The following CTNND2 variants were observed in gnomAD, a reference collection of about 807,000 sequenced individuals.
The protein encoded by CTNND2 is catenin delta 2.
A neutral mutation model predicts 144.4 loss-of-function variants in CTNND2; 22 were observed. The observed-to-expected ratio is 0.15, with a 90% confidence interval of 0.11 to 0.22. CTNND2 has a LOEUF of 0.22. Ranked by LOEUF, CTNND2 falls within the 10% of genes least tolerant of loss-of-function variation. The pLI, the probability that CTNND2 is intolerant of heterozygous loss-of-function variation, is 1.00. For synonymous variants in CTNND2, 751 were observed against 695.6 expected, an observed-to-expected ratio of 1.08 and a Z score of -1.25; for missense variants, 1,353 against 1,618.8, an observed-to-expected ratio of 0.84 and a Z score of 2.82.
chr5:11,378,392 C>T (rs545049875), intron 7 of CTNND2, among the ~76,000 whole-genome samples: 39 of 152,248 alleles, frequency 2.6e-4, no homozygotes, highest in African/African-American at 8.4e-4. Flanking sequence ...AGGTCTAGTT[C>T]GAAAGAACCC....
chr5:11,487,721 AG>A (rs1286919802), intron 3 of CTNND2, among the ~76,000 whole-genome samples: 2 of 152,178 alleles, frequency 1.3e-5, no homozygotes, highest in Non-Finnish European at 2.9e-5. Context: ...TATGCTTTTG[AG>A]GTTATTTTTA....
intron 9 of CTNND2, among the ~76,000 whole-genome samples, chr5:11,270,886 G>C (rs1349023959): frequency 6.6e-6 from 1 of 152,124 alleles, no homozygotes; most frequent in African/African-American, 2.4e-5. Flanking sequence ...AAACATGAAA[G>C]TATTTATTGA....
chr5:11,276,510 C>T (rs990838177), intron 9 of CTNND2, among the ~76,000 whole-genome samples: 19 of 152,160 alleles, frequency 1.2e-4, no homozygotes, highest in African/African-American at 4.6e-4. Context: ...TGGTCCTCTT[C>T]TCTTCTTTAC....
At chr5:11,479,672 A>G (rs1768064770) in intron 3 of CTNND2, among the ~76,000 whole-genome samples, 1 of 151,552 alleles carries the variant, frequency 6.6e-6, no homozygotes, top group Non-Finnish European at 1.5e-5. Context: ...CTATTTTTTG[A>G]TTTCTTAATC....
At chr5:11,892,241 T>C (rs1737030063) in intron 1 of CTNND2, among the ~76,000 whole-genome samples, 1 of 152,236 alleles carries the variant, frequency 6.6e-6, no homozygotes, top group Admixed American at 6.5e-5. Context: ...TGCCAATGAT[T>C]TCATGCAAAG....
At chr5:11,777,615 G>T (rs1179860036) in intron 1 of CTNND2, among the ~76,000 whole-genome samples, 2 of 152,110 alleles carry the variant, frequency 1.3e-5, no homozygotes, top group Non-Finnish European at 2.9e-5. Context: ...GGAAATGGGG[G>T]GGCTTCTCTA....
chr5:11,726,082 G>A (rs903079843), intron 2 of CTNND2, among the ~76,000 whole-genome samples: 1 of 152,082 alleles, frequency 6.6e-6, no homozygotes. Flanking sequence ...GAATTTTTAA[G>A]AGTCTTGAAT....
At chr5:11,163,626 A>G (rs1759011545) in intron 11 of CTNND2, among the ~76,000 whole-genome samples, 1 of 151,948 alleles carries the variant, frequency 6.6e-6, no homozygotes, top group Non-Finnish European at 1.5e-5. Flanking sequence ...TCTACAATGG[A>G]TGGACTCATT....
chr5:11,053,748 CTCTT>C (rs1306257520), intron 16 of CTNND2, among the ~76,000 whole-genome samples: 1 of 152,214 alleles, frequency 6.6e-6, no homozygotes, highest in African/African-American at 2.4e-5. Context: ...AACTGGCTCT[CTCTT>C]TTTATCAAAC....
intron 12 of CTNND2, among the ~76,000 whole-genome samples, chr5:11,124,648 T>A (rs1754490954): frequency 1.3e-5 from 2 of 152,134 alleles, no homozygotes; most frequent in African/African-American, 4.8e-5. Context: ...TTTTAAAAAA[T>A]GTAAAACCTG....
chr5:11,426,257 C>T (rs1213627541), intron 3 of CTNND2, among the ~76,000 whole-genome samples: 2 of 152,194 alleles, frequency 1.3e-5, no homozygotes, highest in African/African-American at 4.8e-5. Context: ...TCACAGCTTC[C>T]TTACTGCTCA....
intron 15 of CTNND2, among the ~76,000 whole-genome samples, chr5:11,089,546 C>T (rs1383411913): frequency 1.3e-5 from 2 of 152,174 alleles, no homozygotes; most frequent in Non-Finnish European, 2.9e-5. Context: ...AGATTTTAAA[C>T]TGTTTAATTG....
At chr5:11,477,976 T>C (rs1767915884) in intron 3 of CTNND2, among the ~76,000 whole-genome samples, 1 of 152,190 alleles carries the variant, frequency 6.6e-6, no homozygotes, top group Admixed American at 6.5e-5. Flanking sequence ...TTGTTGGAAG[T>C]CATCCAGCTT....
At chr5:11,269,146 A>C (rs1745749936) in intron 9 of CTNND2, among the ~76,000 whole-genome samples, 1 of 152,190 alleles carries the variant, frequency 6.6e-6, no homozygotes. Context: ...CCCGGGATTT[A>C]GTTTGCTCAG....
intron 1 of CTNND2, among the ~76,000 whole-genome samples, chr5:11,779,640 A>G (rs779248952): frequency 6.6e-6 from 1 of 152,198 alleles, no homozygotes; most frequent in South Asian, 2.1e-4. Flanking sequence ...CACTTCAAAT[A>G]TCTACCTTGG....
intron 16 of CTNND2, among the ~76,000 whole-genome samples, chr5:11,046,862 A>C (rs1430521553): frequency 2.0e-5 from 3 of 152,216 alleles, no homozygotes; most frequent in African/African-American, 7.2e-5. Context: ...ACAACAACAA[A>C]AAAACAGGCT....
chr5:11,687,967 G>T (rs908031157), intron 2 of CTNND2, among the ~76,000 whole-genome samples: 2 of 152,180 alleles, frequency 1.3e-5, no homozygotes, highest in African/African-American at 4.8e-5. Flanking sequence ...ACCCTGAGGT[G>T]GGGTTGTGCC....
At chr5:11,723,113 T>C (rs1296997739) in intron 2 of CTNND2, among the ~76,000 whole-genome samples, 1 of 152,148 alleles carries the variant, frequency 6.6e-6, no homozygotes, top group African/African-American at 2.4e-5. Context: ...TCAACAAATA[T>C]GATAAACTTG....
chr5:11,457,110 A>T (rs1250733456), intron 3 of CTNND2, among the ~76,000 whole-genome samples: 1 of 152,166 alleles, frequency 6.6e-6, no homozygotes, highest in Non-Finnish European at 1.5e-5. Flanking sequence ...TTTTATAACA[A>T]ATCTTTGAGA....
Sources: allele counts gnomAD v4.1 joint callset (sites outside exome capture counted in the v4.1 genomes callset), GRCh38; gene constraint gnomAD v4.1.1; transcripts MANE v1.5; gene names NCBI Gene and HGNC (gene_info 2026-07-23, HGNC 2026-07-21).